The following DNAH9 variants were observed in gnomAD, a reference collection of about 807,000 sequenced individuals.
DNAH9 encodes DNAH9 variant protein.
DNAH9 carries 345 observed loss-of-function variants against 471.6 expected under a neutral mutation model. The observed-to-expected ratio is 0.73, with a 90% CI of 0.67 to 0.80. The LOEUF is 0.80. Ranked by LOEUF, DNAH9 falls within the 30% of genes least tolerant of loss-of-function variation. The pLI, the probability that DNAH9 is intolerant of heterozygous loss-of-function variation, is 0.00. For synonymous variants in DNAH9, 2,093 were observed against 2,123.6 expected, an observed-to-expected ratio of 0.99 and a Z score of 0.40; for missense variants, 5,407 against 5,609.2, an observed-to-expected ratio of 0.96 and a Z score of 1.15.
chr17:11,624,518 AG>A (rs2072935889), intron 6 of DNAH9, among the ~76,000 whole-genome samples: 1 of 152,008 alleles, frequency 6.6e-6, no homozygotes, highest in Non-Finnish European at 1.5e-5. Flanking sequence ...CAAAAAAAAA[AG>A]AAAAGAAAAG....
intron 62 of DNAH9, among the ~76,000 whole-genome samples, chr17:11,928,907 C>T (rs1974413324): frequency 6.6e-6 from 1 of 152,114 alleles, no homozygotes; most frequent in Admixed American, 6.6e-5. Flanking sequence ...CTAACTAGCT[C>T]CCAGGTACTG....
intron 67 of DNAH9, among the ~76,000 whole-genome samples, chr17:11,961,037 G>A (rs919945251): frequency 1.3e-5 from 2 of 152,078 alleles, no homozygotes; most frequent in East Asian, 1.9e-4. Flanking sequence ...TGTTCAGGCC[G>A]GGCGCGGTGG....
rs781715550 is a variant in DNAH9 at position 11,598,528 on chromosome 17, C to A, written c.30C>A (p.Leu10=). 1.4e-5 allele frequency: 20 copies of A among 1,398,006 alleles called. No homozygotes were observed. Among genetic ancestry groups the A allele is most frequent in the Non-Finnish European group, 1.8e-5 (20 of 1,084,206 alleles). The allele number at this position is 1,398,006 out of a possible 1,614,324, so 86.6% of individuals were successfully genotyped here. A position where few individuals can be genotyped will look rare whatever the true frequency, so the allele number is the denominator to read the frequency against. Residue 10 remains leucine (L), a synonymous_variant, in exon 1 of 69, where the codon CTC becomes CTA. Transcript: ENST00000262442. MRLAEERAA[L]AAENADGEPG... ...GGCTCGCGGAGGAGCGGGCCGCGCT[C>A]GCGGCGGAGAACGCGGATGGGGAAC...
rs553747228 is a variant in DNAH9 at position 11,632,749 on chromosome 17, C to T, written c.1635+46C>T. The stretch of plus-strand genomic sequence containing the variant: ...AGCCACTCGGTCCTGGATACTCCCC[C>T]GGCCCTCATCAGAGGATGATATGGA... On this transcript the variant is annotated intron_variant, in intron 8 of 68. Coordinates refer to ENST00000262442, the MANE Select transcript of DNAH9 (RefSeq NM_001372.4). The T allele has an allele frequency of 9.9e-5, 88 of 892,384 alleles. 2 individuals are homozygous for T. The highest frequency in any genetic ancestry group is 9.4e-4 in the South Asian group (69 of 73,160). The allele number at this position is 892,384 out of a possible 1,614,324, so 55.3% of individuals were successfully genotyped here. A position where few individuals can be genotyped will look rare whatever the true frequency, so the allele number is the denominator to read the frequency against.
Position 11,598,882 on chromosome 17 carries a change from A to G in DNAH9, c.384A>G (p.Ala128=). The G allele has an allele frequency of 6.5e-7, 1 of 1,528,890 alleles. No homozygotes were observed. The highest frequency in any genetic ancestry group is 8.7e-7 in the Non-Finnish European group (1 of 1,147,100). The allele number at this position is 1,528,890 out of a possible 1,614,324, so 94.7% of individuals were successfully genotyped here. A position where few individuals can be genotyped will look rare whatever the true frequency, so the allele number is the denominator to read the frequency against. The change falls in exon 1 of 69, where the codon GCA becomes GCG. Residue 128 remains alanine, a synonymous_variant. Transcript: ENST00000262442. ...TGGTCTGCGGGGACCTGCCCGCGGC[A>G]CCTCTGGAGCACCTAGCCGCGCTGT... ...GAVVCGDLPA[A]PLEHLAALFS...
At chr17:11,943,505 C>G (rs1216379107) in intron 67 of DNAH9, among the ~76,000 whole-genome samples, 1 of 151,950 alleles carries the variant, frequency 6.6e-6, no homozygotes, top group Admixed American at 6.6e-5. Flanking sequence ...GGTGAAACCC[C>G]GTCTCTACTA....
At chr17:11,890,734 GGTCTCACT>G (rs1973023141) in intron 57 of DNAH9, among the ~76,000 whole-genome samples, 3 of 151,950 alleles carry the variant, frequency 2.0e-5, no homozygotes, top group African/African-American at 7.3e-5. Context: ...TTTGAGACAG[GGTCTCACT>G]CTGTTGCCCA....
intron 68 of DNAH9, among the ~76,000 whole-genome samples, chr17:11,968,147 C>T (rs1976896019): frequency 6.6e-6 from 1 of 152,068 alleles, no homozygotes; most frequent in African/African-American, 2.4e-5. Flanking sequence ...TGTCAACACA[C>T]CAAAAACCAC....
chr17:11,623,980 G>C lies in DNAH9; in HGVS notation c.1350+4199G>C, dbSNP rs1171336039. Among the ~76,000 whole-genome samples the C allele has an allele frequency of 6.6e-6, 1 of 152,016 alleles. No homozygotes were observed. Among genetic ancestry groups the C allele is most frequent in the African/African-American group, 2.4e-5 (1 of 41,368 alleles). Reference sequence around the variant, plus strand: ...GGTGCCTGCTAAATGCCAGAGGTGGGGCTGGCTTGGAAGAAGGGGTATACA... The same window carrying C: ...GGTGCCTGCTAAATGCCAGAGGTGGCGCTGGCTTGGAAGAAGGGGTATACA... On this transcript the variant is annotated intron_variant, in intron 6 of 68. Transcript: ENST00000262442. The surrounding 1 kb of genome is among the most constrained non-coding windows in gnomAD (Gnocchi z 4.1).
chr17:11,730,405 T>C (rs151002841), intron 28 of DNAH9, among the ~76,000 whole-genome samples: 12 of 152,362 alleles, frequency 7.9e-5, no homozygotes, highest in African/African-American at 2.4e-4. Context: ...GGATGTAAGC[T>C]GAGTGTTGCC....
At chr17:11,692,988 C>G (rs2074359664) in intron 20 of DNAH9, among the ~76,000 whole-genome samples, 1 of 151,934 alleles carries the variant, frequency 6.6e-6, no homozygotes, top group Non-Finnish European at 1.5e-5. Flanking sequence ...TCAATACAAC[C>G]TCCGCCTCCC....
intron 56 of DNAH9, chr17:11,884,492 G>A (rs764666468): frequency 8.9e-6 from 4 of 451,758 alleles, no homozygotes; most frequent in Non-Finnish European, 1.8e-5. Flanking sequence ...CTGTAACAGT[G>A]TCCAGGAACA....
chr17:11,812,564 C>T (rs541107731), intron 45 of DNAH9, among the ~76,000 whole-genome samples: 1 of 152,232 alleles, frequency 6.6e-6, no homozygotes, highest in East Asian at 1.9e-4. Flanking sequence ...CCACTGGTCC[C>T]TGGTCCAGAG....
chr17:11,812,935 G>A (rs568763758), intron 45 of DNAH9, among the ~76,000 whole-genome samples: 1 of 152,226 alleles, frequency 6.6e-6, no homozygotes, highest in South Asian at 2.1e-4. Context: ...TTCAAAATCA[G>A]TCTGAGAGAA....
chr17:11,663,135 A>G (rs2073806226), intron 14 of DNAH9, among the ~76,000 whole-genome samples: 1 of 152,174 alleles, frequency 6.6e-6, no homozygotes, highest in African/African-American at 2.4e-5. Flanking sequence ...CAGGGTCTCA[A>G]CTGAATTCCT....
At chr17:11,875,820 G>A (rs1176109504) in intron 53 of DNAH9, 1 of 152,340 alleles carries the variant, frequency 6.6e-6, no homozygotes, top group Non-Finnish European at 1.5e-5. Context: ...CATCCCTCAT[G>A]CCTCCCTTCA....
At chr17:11,874,407 G>C (rs187201217) in intron 52 of DNAH9, among the ~76,000 whole-genome samples, 72 of 152,298 alleles carry the variant, frequency 4.7e-4, no homozygotes, top group African/African-American at 1.5e-3. Flanking sequence ...CCAGCAGGCA[G>C]GTTTGCAAGA....
intron 14 of DNAH9, among the ~76,000 whole-genome samples, chr17:11,655,915 C>A (rs2073636596): frequency 6.6e-6 from 1 of 151,916 alleles, no homozygotes; most frequent in Non-Finnish European, 1.5e-5. Flanking sequence ...CACACACATA[C>A]ACACACACAT....
At chr17:11,827,435 A>G (rs1441606876) in intron 48 of DNAH9, among the ~76,000 whole-genome samples, 1 of 152,168 alleles carries the variant, frequency 6.6e-6, no homozygotes, top group Non-Finnish European at 1.5e-5. Flanking sequence ...GAATGTGAGT[A>G]AGACCAAGAG....
Sources: allele counts gnomAD v4.1 joint callset (sites outside exome capture counted in the v4.1 genomes callset), GRCh38; gene constraint gnomAD v4.1.1; non-coding constraint Gnocchi (gnomAD v3.1); transcripts MANE v1.5; gene names NCBI Gene and HGNC (gene_info 2026-07-23, HGNC 2026-07-21).